CDKN2B-AS1: variants seen among roughly 807,000 people sequenced by gnomAD.
CDKN2B-AS1 encodes the protein CDKN2B and CDKN2A antisense cis and trans regulatory RNA 1.
intron 1 of CDKN2B-AS1, among the ~76,000 whole-genome samples, chr9:22,020,758 T>C (rs7858261): frequency 0.03 from 4,608 of 152,316 alleles, 99 homozygotes; most frequent in Middle Eastern, 0.068. Flanking sequence ...TTAAGGTCTT[T>C]ATAGATGCTG....
At chr9:22,020,806 T>G (rs762496650) in intron 1 of CDKN2B-AS1, among the ~76,000 whole-genome samples, 1 of 152,202 alleles carries the variant, frequency 6.6e-6, no homozygotes, top group Non-Finnish European at 1.5e-5. Flanking sequence ...TTTAAAGAAA[T>G]GTTCTCCCAT....
chr9:22,065,684 T>C (rs928078727), intron 4 of CDKN2B-AS1: 1 of 152,210 alleles, frequency 6.6e-6, no homozygotes, highest in African/African-American at 2.4e-5. Context: ...GAGACTGCTT[T>C]TCTGCAGAAA....
chr9:22,019,446 C>T (rs1821927456), intron 1 of CDKN2B-AS1, among the ~76,000 whole-genome samples: 1 of 152,010 alleles, frequency 6.6e-6, no homozygotes, highest in African/African-American at 2.4e-5. Flanking sequence ...CAGCACTTAG[C>T]AATGAACTGG....
Position 22,038,256 on chromosome 9 carries a change from T to G in CDKN2B-AS1, n.30-8495T>G, listed in dbSNP as rs1822767944. ...CTAGGAGACAGGAAATGTGAAACAC[T>G]GTAGGAGGTATGAGTTTGCCACCTA... On this transcript the variant is annotated intron_variant and non_coding_transcript_variant, in intron 1 of 4. Coordinates refer to ENST00000650946, the Ensembl canonical transcript of CDKN2B-AS1. 5.9e-5 allele frequency among the ~76,000 whole-genome samples: 9 copies of G among 152,040 alleles called. 1 individual carries two copies. The South Asian group carries it at 1.9e-3, about 32-fold the overall frequency.
At chr9:22,057,603 G>T (rs919828396) in intron 4 of CDKN2B-AS1, among the ~76,000 whole-genome samples, 29 of 152,102 alleles carry the variant, frequency 1.9e-4, no homozygotes, top group African/African-American at 7.0e-4. Flanking sequence ...GAGCTCAGGA[G>T]TTCGAGGCCA....
At chr9:22,082,579 T>A (rs1824735320) in intron 4 of CDKN2B-AS1, among the ~76,000 whole-genome samples, 1 of 152,238 alleles carries the variant, frequency 6.6e-6, no homozygotes, top group Non-Finnish European at 1.5e-5. Context: ...ATGTTCTGAC[T>A]AATTCGTAGC....
chr9:22,001,554 T>C lies in CDKN2B-AS1; in HGVS notation n.29+6393T>C, dbSNP rs1250220946. On this transcript the variant is annotated intron_variant and non_coding_transcript_variant, in intron 1 of 4. Coordinates refer to ENST00000650946, the Ensembl canonical transcript of CDKN2B-AS1. The surrounding 1 kb of genome is among the most constrained non-coding windows in gnomAD (Gnocchi z 4.2). ...TTAATTTTCATTACTGTGCTTAATA[T>C]ACAATCCATGCCAATTACATATTAT... 2.0e-5 allele frequency among the ~76,000 whole-genome samples: 3 copies of C among 152,192 alleles called. No homozygotes were observed. Among genetic ancestry groups the C allele is most frequent in the African/African-American group, 7.2e-5 (3 of 41,460 alleles).
At chr9:22,049,872 TA>T (rs1823269668) in intron 3 of CDKN2B-AS1, among the ~76,000 whole-genome samples, 1 of 140,236 alleles carries the variant, frequency 7.1e-6, no homozygotes. Context: ...AATTAGTAGC[TA>T]TTATTATTTT....
intron 4 of CDKN2B-AS1, among the ~76,000 whole-genome samples, chr9:22,060,095 C>T (rs1296037377): frequency 6.6e-6 from 1 of 152,130 alleles, no homozygotes; most frequent in Non-Finnish European, 1.5e-5. Context: ...CCCATGGTCT[C>T]GGGGATTAAC....
intron 4 of CDKN2B-AS1, among the ~76,000 whole-genome samples, chr9:22,101,775 A>C (rs72652477): frequency 1.3e-5 from 2 of 152,000 alleles, no homozygotes; most frequent in African/African-American, 4.8e-5. Flanking sequence ...GAGGCCTAGA[A>C]GCAAGAGGCT....
chr9:22,078,481 T>C (rs529735807), intron 4 of CDKN2B-AS1, among the ~76,000 whole-genome samples: 1 of 152,340 alleles, frequency 6.6e-6, no homozygotes, highest in African/African-American at 2.4e-5. Context: ...CTTTACTTAC[T>C]TCTTCCAACA....
At chr9:22,019,381 C>T (rs1462701551) in intron 1 of CDKN2B-AS1, among the ~76,000 whole-genome samples, 1 of 152,116 alleles carries the variant, frequency 6.6e-6, no homozygotes, top group East Asian at 1.9e-4. Flanking sequence ...ACTAAAGTGC[C>T]TGAGCCAAGA....
Position 22,018,697 on chromosome 9 carries a change from G to A in CDKN2B-AS1, n.29+23536G>A, listed in dbSNP as rs112793495. The stretch of plus-strand genomic sequence containing the variant: ...ATAATCCATGTATGTGATGTAAAGA[G>A]CGCCAACATGTTTATATCCTCCTAT... On this transcript the variant is annotated intron_variant and non_coding_transcript_variant, in intron 1 of 4. Transcript: ENST00000650946. 8.2e-3 allele frequency among the ~76,000 whole-genome samples: 1,244 copies of A among 152,252 alleles called. 8 individuals are homozygous for A. Among genetic ancestry groups the A allele is most frequent in the Non-Finnish European group, 0.012 (843 of 68,026 alleles).
At chr9:22,061,551 G>T (rs1823819565) in intron 4 of CDKN2B-AS1, among the ~76,000 whole-genome samples, 1 of 151,984 alleles carries the variant, frequency 6.6e-6, no homozygotes, top group African/African-American at 2.4e-5. Flanking sequence ...TCAAAATCAA[G>T]CCTGTTAGAT....
intron 4 of CDKN2B-AS1, among the ~76,000 whole-genome samples, chr9:22,075,380 GAAA>G (rs1824455622): frequency 6.7e-6 from 1 of 149,812 alleles, no homozygotes; most frequent in African/African-American, 2.6e-5. Flanking sequence ...GAATATGAAA[GAAA>G]GAGTCATAGT....
chr9:22,012,079 G>A (rs534261054), intron 1 of CDKN2B-AS1: 1 of 659,432 alleles, frequency 1.5e-6, no homozygotes, highest in African/African-American at 1.8e-5. Flanking sequence ...GTCTGTATAT[G>A]ACCTTGATAT....
chr9:22,124,506 G>T (rs1373851367), intron 4 of CDKN2B-AS1, among the ~76,000 whole-genome samples: 1 of 152,108 alleles, frequency 6.6e-6, no homozygotes, highest in African/African-American at 2.4e-5. Flanking sequence ...AGACAGAGTA[G>T]TTTCTCCTTC....
intron 1 of CDKN2B-AS1, among the ~76,000 whole-genome samples, chr9:22,024,551 T>C (rs2131230648): frequency 6.6e-6 from 1 of 152,132 alleles, no homozygotes; most frequent in South Asian, 2.1e-4. Context: ...TTGCTCAGGG[T>C]GTGGGAGGAT....
At chr9:22,090,791 A>G (rs1162645736) in intron 4 of CDKN2B-AS1, among the ~76,000 whole-genome samples, 1 of 151,950 alleles carries the variant, frequency 6.6e-6, no homozygotes, top group African/African-American at 2.4e-5. Context: ...GTTCACTCTG[A>G]TGGTAGTTTC....
Sources: gnomAD v4.1 joint callset for allele counts (sites outside exome capture counted in the v4.1 genomes callset) on GRCh38, gnomAD v4.1.1 for gene constraint, Gnocchi (gnomAD v3.1) non-coding constraint, MANE v1.5 for transcripts, NCBI Gene and HGNC (gene_info 2026-07-23, HGNC 2026-07-21) for gene names.